WWOX: variants seen among roughly 807,000 people sequenced by gnomAD.
WWOX encodes WW domain-containing oxidoreductase.
Under a neutral mutation model 46.2 loss-of-function variants are expected in WWOX, and 69 were observed. The observed-to-expected ratio is 1.49, with a 90% CI of 1.23 to 1.82. The LOEUF (loss-of-function observed/expected upper bound fraction) is 1.82. WWOX is among the 40% of genes most tolerant of loss of function. The probability of loss-of-function intolerance (pLI) is 0.00; values close to 1 mark genes in which losing one functional copy is unlikely to be tolerated. For synonymous variants in WWOX, 359 were observed against 202.6 expected (o/e 1.77, Z -6.56); for missense variants, 919 against 542.6 (o/e 1.69, Z -6.89).
chr16:78,187,084 C>A (rs971698621), intron 5 of WWOX, among the ~76,000 whole-genome samples: 4 of 152,206 alleles, frequency 2.6e-5, no homozygotes, highest in African/African-American at 7.2e-5. Context: ...GGATACAGAA[C>A]TGTCCCATCT....
At chr16:78,425,115 C>T (rs956038787) in intron 7 of WWOX, 60 bp downstream of exon 7, 1 of 1,598,868 alleles carries the variant, frequency 6.3e-7, no homozygotes, top group Admixed American at 1.7e-5. Flanking sequence ...TAATATTCCC[C>T]CAAGGCTCTC....
intron 8 of WWOX, among the ~76,000 whole-genome samples, chr16:79,083,913 G>A (rs541811913): frequency 3.9e-5 from 6 of 152,218 alleles, no homozygotes; most frequent in Admixed American, 3.9e-4. Flanking sequence ...TCCTGCGGTG[G>A]GTTTCTTTTA....
chr16:78,149,774 G>A (rs1192603541), intron 4 of WWOX, among the ~76,000 whole-genome samples: 1 of 152,174 alleles, frequency 6.6e-6, no homozygotes, highest in African/African-American at 2.4e-5. Flanking sequence ...TGACAGTCAA[G>A]ACCCTGTGGG....
Position 78,726,854 on chromosome 16 carries a change from T to C in WWOX, c.1056+294102T>C, listed in dbSNP as rs554964583. Among the ~76,000 whole-genome samples, 75 of 152,174 alleles carry C rather than the reference T, an allele frequency of 4.9e-4. 1 individual carries two copies. Among genetic ancestry groups the C allele is most frequent in the South Asian group, 2.5e-3 (12 of 4,818 alleles). ...GCTTTCAGTTTCTTCATCTGTACAA[T>C]GAGAGTTGAGGGGAGCTGAGTCGGG... On this transcript the variant is annotated intron_variant, in intron 8 of 8. Transcript: ENST00000566780.
At chr16:78,391,981 A>G (rs988865872) in intron 6 of WWOX, among the ~76,000 whole-genome samples, 3 of 149,738 alleles carry the variant, frequency 2.0e-5, no homozygotes, top group East Asian at 2.0e-4. Context: ...TTTTTAATCT[A>G]TAGGTTTTGT....
intron 8 of WWOX, among the ~76,000 whole-genome samples, chr16:79,159,989 G>A (rs2050454097): frequency 6.6e-6 from 1 of 152,088 alleles, no homozygotes; most frequent in African/African-American, 2.4e-5. Context: ...TGGGATTTGG[G>A]GCTGACTTTG....
chr16:79,190,141 C>T (rs2051104672), intron 8 of WWOX, among the ~76,000 whole-genome samples: 3 of 152,102 alleles, frequency 2.0e-5, no homozygotes, highest in Admixed American at 2.0e-4. Flanking sequence ...TCTTCTGCCT[C>T]AGCCTCCCGA....
At chr16:78,906,556 A>G (rs1380851814) in intron 8 of WWOX, among the ~76,000 whole-genome samples, 1 of 152,210 alleles carries the variant, frequency 6.6e-6, no homozygotes, top group African/African-American at 2.4e-5. Flanking sequence ...TCCAAAGAGA[A>G]CTGCATAAAT....
At chr16:78,169,469 C>G (rs1345977051) in intron 5 of WWOX, among the ~76,000 whole-genome samples, 1 of 79,462 alleles carries the variant, frequency 1.3e-5, no homozygotes, top group Non-Finnish European at 2.7e-5. Context: ...ATCTCAGGAC[C>G]TCTGAGATCT....
chr16:78,863,498 G>C lies in WWOX; in HGVS notation c.1057-348110G>C, dbSNP rs75169599. 2.0e-3 allele frequency among the ~76,000 whole-genome samples: 308 copies of C among 152,272 alleles called. 2 individuals are homozygous for C. The highest frequency in any genetic ancestry group is 7.0e-3 in the African/African-American group (289 of 41,554). ...TCAGAGAGTCACCAATGGACCACTG[G>C]TCCCTGCTGATTTAGTGTCACAGCT... is the stretch of plus-strand genomic sequence containing the variant. On this transcript the variant is annotated intron_variant, in intron 8 of 8. Coordinates refer to ENST00000566780, the MANE Select transcript of WWOX (RefSeq NM_016373.4).
chr16:79,205,480 C>G (rs1045863832), intron 8 of WWOX: 1 of 152,178 alleles, frequency 6.6e-6, no homozygotes, highest in East Asian at 1.9e-4. Flanking sequence ...AGGGCATGTT[C>G]TCTTCTGGAG....
At chr16:78,918,721 A>T (rs1425961502) in intron 8 of WWOX, among the ~76,000 whole-genome samples, 2 of 152,142 alleles carry the variant, frequency 1.3e-5, no homozygotes, top group Non-Finnish European at 2.9e-5. Context: ...CCCTGGAGGA[A>T]TTTTCTCTCA....
intron 5 of WWOX, among the ~76,000 whole-genome samples, chr16:78,175,103 G>C (rs2035296783): frequency 6.6e-6 from 1 of 152,048 alleles, no homozygotes; most frequent in South Asian, 2.1e-4. Flanking sequence ...CATCCGTAGA[G>C]GGCAGAAAGG....
At chr16:78,688,554 C>G (rs7190499) in intron 8 of WWOX, among the ~76,000 whole-genome samples, 52,690 of 151,882 alleles carry the variant, frequency 0.35, 9,870 homozygotes, top group African/African-American at 0.42. Flanking sequence ...TCAGCGGAGA[C>G]AACTGTCCCC....
chr16:78,488,975 T>C (rs1378044127), intron 8 of WWOX, among the ~76,000 whole-genome samples: 1 of 152,204 alleles, frequency 6.6e-6, no homozygotes, highest in African/African-American at 2.4e-5. Context: ...GCCTCCTGCA[T>C]GTAGAACACA....
rs1004713491 is a variant in WWOX at position 78,114,146 on chromosome 16, A to G, written c.231-830A>G. On this transcript the variant is annotated intron_variant, in intron 3 of 8. Transcript: ENST00000566780. ...AGGGTCTTGGTCTGTCACCCAGGCT[A>G]GAGTGCAGTGGCACAATCATGGCTC... Among the ~76,000 whole-genome samples the G allele has an allele frequency of 2.8e-5, 4 of 143,800 alleles. No individual in the cohort carries two copies. In the East Asian group the frequency reaches 6.2e-4, roughly 22 times the overall value. 94.3% of individuals were successfully genotyped at this position (143,800 alleles called of 152,430 possible).
chr16:78,665,253 C>T (rs1340093308), intron 8 of WWOX, among the ~76,000 whole-genome samples: 1 of 152,184 alleles, frequency 6.6e-6, no homozygotes, highest in Non-Finnish European at 1.5e-5. Flanking sequence ...ACTGCCACAT[C>T]TTGCCACGCA....
chr16:78,718,804 A>G (rs1452947081), intron 8 of WWOX, among the ~76,000 whole-genome samples: 1 of 152,210 alleles, frequency 6.6e-6, no homozygotes, highest in South Asian at 2.1e-4. Context: ...AATATATGCC[A>G]GGAATTATTC....
At chr16:78,875,066 C>G (rs1225794439) in intron 8 of WWOX, among the ~76,000 whole-genome samples, 1 of 152,122 alleles carries the variant, frequency 6.6e-6, no homozygotes, top group African/African-American at 2.4e-5. Flanking sequence ...AGCAGGACAA[C>G]TCAACAAGCT....
Sources: gnomAD v4.1 joint callset for allele counts (sites outside exome capture counted in the v4.1 genomes callset) on GRCh38, gnomAD v4.1.1 for gene constraint, MANE v1.5 for transcripts, NCBI Gene and HGNC (gene_info 2026-07-23, HGNC 2026-07-21) for gene names.